C8orf34: variants seen among roughly 807,000 people sequenced by gnomAD.
The protein encoded by C8orf34 is uncharacterized protein C8orf34.
C8orf34 carries 65 observed loss-of-function variants against 68.3 expected under a neutral mutation model. The ratio of observed to expected loss-of-function variants is 0.95; its 90% CI spans 0.78 to 1.17. The LOEUF (loss-of-function observed/expected upper bound fraction) is 1.17, where lower values mean the gene tolerates loss of function less well. Ranked by LOEUF, C8orf34 falls within the 50% of genes most tolerant of loss-of-function variation. The pLI, the probability that C8orf34 is intolerant of heterozygous loss-of-function variation, is 0.00. For missense variants in C8orf34, 664 were observed against 655.4 expected (o/e 1.01, Z -0.14); for synonymous variants, 244 against 241.2 (o/e 1.01, Z -0.11).
At chr8:68,446,728 C>G (rs956195892) in intron 3 of C8orf34, 2 of 405,128 alleles carry the variant, frequency 4.9e-6, no homozygotes, top group African/African-American at 4.1e-5. Context: ...GAGCGGGTCT[C>G]TTGTTTCTCA....
At chr8:68,808,140 T>C (rs1204913126) in intron 12 of C8orf34, among the ~76,000 whole-genome samples, 1 of 152,242 alleles carries the variant, frequency 6.6e-6, no homozygotes, top group Non-Finnish European at 1.5e-5. Flanking sequence ...ATATTGGCCA[T>C]TTAATACTTT....
chr8:68,379,769 T>A (rs1323140115), intron 1 of C8orf34, among the ~76,000 whole-genome samples: 1 of 152,222 alleles, frequency 6.6e-6, no homozygotes, highest in Non-Finnish European at 1.5e-5. Context: ...CAGGATCATG[T>A]CATTGTCTCG....
intron 9 of C8orf34, among the ~76,000 whole-genome samples, chr8:68,716,327 C>A (rs529532795): frequency 6.6e-5 from 10 of 151,858 alleles, no homozygotes; most frequent in Admixed American, 1.3e-4. Flanking sequence ...AATTAAAAAT[C>A]AAAAAACAGA....
At position 68,338,837 on chromosome 8, in the gene C8orf34, G is replaced by A. The variant is rs147749758; in HGVS notation, c.327+7498G>A. 1.3e-5 allele frequency among the ~76,000 whole-genome samples: 2 copies of A among 152,190 alleles called. 1 individual carries two copies. The highest frequency in any genetic ancestry group is 2.9e-5 in the Non-Finnish European group (2 of 67,968). ...ACATTTCTGTGAACAGTGTATAGGA[G>A]TTCCAGTTGTTCCATATCCTCACCT... On this transcript the variant is annotated intron_variant, in intron 1 of 13. Coordinates refer to ENST00000518698, the MANE Select transcript of C8orf34 (RefSeq NM_052958.4).
intron 12 of C8orf34, among the ~76,000 whole-genome samples, chr8:68,798,231 C>T (rs986445484): frequency 6.6e-5 from 10 of 151,204 alleles, no homozygotes; most frequent in Non-Finnish European, 1.5e-4. Context: ...CTCAAGTGCT[C>T]CTCCTGCCTT....
intron 1 of C8orf34, among the ~76,000 whole-genome samples, chr8:68,335,430 G>A (rs1202506839): frequency 6.6e-6 from 1 of 152,080 alleles, no homozygotes; most frequent in East Asian, 1.9e-4. Flanking sequence ...CTTCCCCAGT[G>A]CTCAAAGTTA....
chr8:68,459,453 G>C (rs557381701), intron 3 of C8orf34, among the ~76,000 whole-genome samples: 7 of 152,054 alleles, frequency 4.6e-5, no homozygotes, highest in African/African-American at 1.7e-4. Context: ...GGCTGGTCTC[G>C]AGCTCCTGAC....
chr8:68,504,583 G>A (rs949435358), intron 5 of C8orf34, among the ~76,000 whole-genome samples: 2 of 151,918 alleles, frequency 1.3e-5, no homozygotes, highest in African/African-American at 4.8e-5. Context: ...GCAATGGCAC[G>A]ATCTTGGCTC....
chr8:68,378,111 G>A (rs767814072), intron 1 of C8orf34, among the ~76,000 whole-genome samples: 8 of 152,112 alleles, frequency 5.3e-5, no homozygotes, highest in Non-Finnish European at 7.4e-5. Flanking sequence ...CAGCCAAACC[G>A]TATCAGGCAG....
chr8:68,655,578 C>T (rs1172742750), intron 8 of C8orf34, among the ~76,000 whole-genome samples: 1 of 152,134 alleles, frequency 6.6e-6, no homozygotes, highest in Non-Finnish European at 1.5e-5. Flanking sequence ...TCTTGCAATG[C>T]TGGGCAGTGG....
At position 68,679,157 on chromosome 8, in the gene C8orf34, C is replaced by T. The variant is rs113153318; in HGVS notation, c.1242-29837C>T. Among the ~76,000 whole-genome samples the T allele has an allele frequency of 5.4e-3, 818 of 151,848 alleles. 4 individuals carry two copies. The highest frequency in any genetic ancestry group is 0.017 in the African/African-American group (709 of 41,402). On this transcript the variant is annotated intron_variant, in intron 8 of 13. Coordinates refer to ENST00000518698, the MANE Select transcript of C8orf34 (RefSeq NM_052958.4). ...AAAAAATTAGCCAGGCATGGTGGCA[C>T]GCACCTATAGTCCCAGCTACTGAGG...
chr8:68,356,960 G>T (rs1224078161), intron 1 of C8orf34, among the ~76,000 whole-genome samples: 2 of 151,992 alleles, frequency 1.3e-5, no homozygotes, highest in Non-Finnish European at 2.9e-5. Context: ...CATTTTATTT[G>T]TCTGTACATT....
chr8:68,451,279 A>C (rs1371241122), intron 3 of C8orf34, among the ~76,000 whole-genome samples: 1 of 152,120 alleles, frequency 6.6e-6, no homozygotes, highest in South Asian at 2.1e-4. Context: ...GACTTTCTCC[A>C]TATCAGCAAT....
intron 1 of C8orf34, among the ~76,000 whole-genome samples, chr8:68,387,974 G>A (rs1433590094): frequency 6.6e-6 from 1 of 152,150 alleles, no homozygotes; most frequent in African/African-American, 2.4e-5. Context: ...TGCTTAGGGA[G>A]CTACTTACTG....
intron 7 of C8orf34, among the ~76,000 whole-genome samples, chr8:68,593,515 T>G (rs1358250378): frequency 6.6e-6 from 1 of 152,036 alleles, no homozygotes; most frequent in Non-Finnish European, 1.5e-5. Flanking sequence ...TAATATATTT[T>G]TCAATCTTTT....
At chr8:68,765,602 T>C (rs1376582989) in intron 10 of C8orf34, among the ~76,000 whole-genome samples, 2 of 152,216 alleles carry the variant, frequency 1.3e-5, no homozygotes, top group Admixed American at 1.3e-4. Context: ...TGGAGGTCAC[T>C]TCTTTTTCTT....
At chr8:68,744,947 T>C (rs1236577005) in intron 10 of C8orf34, among the ~76,000 whole-genome samples, 1 of 151,604 alleles carries the variant, frequency 6.6e-6, no homozygotes, top group Non-Finnish European at 1.5e-5. Flanking sequence ...TTCACCAAAG[T>C]TGAAATGAAG....
chr8:68,343,648 C>T (rs935268255), intron 1 of C8orf34, among the ~76,000 whole-genome samples: 4 of 150,738 alleles, frequency 2.7e-5, no homozygotes, highest in African/African-American at 9.8e-5. Context: ...GGCTGGAGTG[C>T]AGTGGCACAA....
chr8:68,573,123 T>C (rs1028921969), intron 7 of C8orf34, among the ~76,000 whole-genome samples: 7 of 152,146 alleles, frequency 4.6e-5, no homozygotes, highest in African/African-American at 1.4e-4. Flanking sequence ...TTGTAGTCTA[T>C]TGAACATTGA....
Sources: gnomAD v4.1 joint callset for allele counts (sites outside exome capture counted in the v4.1 genomes callset) on GRCh38, gnomAD v4.1.1 for gene constraint, MANE v1.5 for transcripts, NCBI Gene and HGNC (gene_info 2026-07-23, HGNC 2026-07-21) for gene names.